PCDHA4: variants seen among roughly 807,000 people sequenced by gnomAD.
The protein encoded by PCDHA4 is protocadherin alpha-4.
Under a neutral mutation model 61.4 loss-of-function variants are expected in PCDHA4, and 49 were observed. That is an observed-to-expected ratio of 0.80 (90% CI 0.63 to 1.01). PCDHA4 has a LOEUF of 1.01. Ranked by LOEUF, PCDHA4 falls within the 50% of genes least tolerant of loss-of-function variation. PCDHA4 has a pLI of 0.00. For missense variants in PCDHA4, 1,254 were observed against 1,235.8 expected (o/e 1.01, Z -0.22); for synonymous variants, 590 against 550.3 (o/e 1.07, Z -1.01).
At chr5:140,843,133 C>G in intron 1 of PCDHA4, 1 of 1,595,974 alleles carries the variant, frequency 6.3e-7, no homozygotes, top group Non-Finnish European at 8.6e-7. Flanking sequence ...CGGGCTACAA[C>G]GCGTGGCTTT....
intron 1 of PCDHA4, chr5:140,831,275 T>C (rs2150193117): frequency 5.3e-5 from 8 of 152,198 alleles, no homozygotes; most frequent in Admixed American, 1.3e-4. Flanking sequence ...CACTTGATGG[T>C]CTTCTCTTCA....
rs1465056587 is a variant in PCDHA4, at chr5:140,851,176, T to G, written c.2385+41604T>G. The G allele has an allele frequency of 9.5e-6, 12 of 1,259,426 alleles. 2 individuals carry two copies. Among genetic ancestry groups the G allele is most frequent in the Non-Finnish European group, 1.2e-5 (12 of 979,742 alleles). The allele number at this position is 1,259,426 out of a possible 1,614,324, so 78.0% of individuals were successfully genotyped here. A position where few individuals can be genotyped will look rare whatever the true frequency, so the allele number is the denominator to read the frequency against. Reference sequence around the variant, plus strand: ...TCTGATGCTATGCTGCCATAACACTTGAAAACCAATTTAGTTGTTAGTCAT... The same window carrying G: ...TCTGATGCTATGCTGCCATAACACTGGAAAACCAATTTAGTTGTTAGTCAT... On this transcript the variant is annotated intron_variant, in intron 1 of 3. Coordinates refer to ENST00000530339, the MANE Select transcript of PCDHA4 (RefSeq NM_018907.4).
intron 1 of PCDHA4, chr5:140,871,086 G>A (rs556097993): frequency 6.6e-5 from 106 of 1,613,256 alleles, no homozygotes; most frequent in Middle Eastern, 1.6e-4. Flanking sequence ...TGACGGCCAC[G>A]GCCACCGTGC....
chr5:140,873,436 A>G (rs1159512158), intron 1 of PCDHA4, among the ~76,000 whole-genome samples: 1 of 152,214 alleles, frequency 6.6e-6, no homozygotes, highest in Non-Finnish European at 1.5e-5. Flanking sequence ...TTTATATCAC[A>G]TAAATAACAA....
At chr5:140,950,555 C>T (rs1421946616) in intron 1 of PCDHA4, among the ~76,000 whole-genome samples, 1 of 151,964 alleles carries the variant, frequency 6.6e-6, no homozygotes, top group Non-Finnish European at 1.5e-5. Flanking sequence ...GCTGGGGGGA[C>T]ACTTATTTTA....
chr5:140,924,064 G>A (rs1584331926), intron 1 of PCDHA4, among the ~76,000 whole-genome samples: 1 of 152,172 alleles, frequency 6.6e-6, no homozygotes. Context: ...CTTTACAGTT[G>A]TATTTCATCT....
intron 1 of PCDHA4, among the ~76,000 whole-genome samples, chr5:140,899,276 A>G (rs1402457704): frequency 2.8e-4 from 42 of 152,318 alleles, no homozygotes; most frequent in African/African-American, 9.4e-4. Flanking sequence ...GGCAGTTTTC[A>G]AAGGGAATAC....
intron 1 of PCDHA4, chr5:140,927,356 G>C: frequency 6.2e-7 from 1 of 1,614,076 alleles, no homozygotes. Context: ...GACGAGGGAA[G>C]CAATGGGATA....
rs185281311 is a variant in PCDHA4 at position 140,896,058 on chromosome 5, G to A, written c.2386-82891G>A. The stretch of plus-strand genomic sequence containing the variant: ...ACTCCTGACCTCAGGTGATCCGCCT[G>A]CCTCGGCCTCCCAACATGCTGGGAT... On this transcript the variant is annotated intron_variant, in intron 1 of 3. Coordinates refer to ENST00000530339, the MANE Select transcript of PCDHA4 (RefSeq NM_018907.4). 4.1e-3 allele frequency among the ~76,000 whole-genome samples: 624 copies of A among 152,238 alleles called. 2 individuals carry two copies. The highest frequency in any genetic ancestry group is 6.8e-3 in the Middle Eastern group (2 of 294).
Position 140,922,401 on chromosome 5 carries a change from A to T in PCDHA4, c.2386-56548A>T, listed in dbSNP as rs1290862669. On this transcript the variant is annotated intron_variant, in intron 1 of 3. Transcript: ENST00000530339. ...AACCAAAGACTCCTTGTTTTGGATT[A>T]AAAAGATCTAGGTACAGAGGCTGAG... 2.6e-5 allele frequency among the ~76,000 whole-genome samples: 4 copies of T among 152,234 alleles called. No individual in the cohort carries two copies. In the East Asian group the frequency reaches 7.7e-4, roughly 29 times the overall value.
intron 1 of PCDHA4, chr5:140,829,791 C>A (rs2150174783): frequency 1.6e-5 from 26 of 1,613,668 alleles, no homozygotes; most frequent in South Asian, 2.2e-5. Context: ...GCGCTGCTGG[C>A]GCCTCGGGTG....
At chr5:140,851,779 T>A in intron 1 of PCDHA4, 1 of 965,446 alleles carries the variant, frequency 1.0e-6, no homozygotes, top group South Asian at 4.8e-5. Flanking sequence ...TGAATTTAGA[T>A]GAGAATTCAC....
intron 3 of PCDHA4, among the ~76,000 whole-genome samples, chr5:141,005,634 G>A (rs782404455): frequency 4.8e-5 from 7 of 146,670 alleles, no homozygotes; most frequent in Middle Eastern, 3.6e-3. Flanking sequence ...CCCGGGAGGC[G>A]GAGCTTGCAG....
chr5:140,883,319 A>C, intron 1 of PCDHA4: 1 of 1,614,126 alleles, frequency 6.2e-7, no homozygotes, highest in Non-Finnish European at 8.5e-7. Context: ...CCCAGAGGTT[A>C]CCATCACTTC....
At chr5:140,884,621 G>C (rs116377419) in intron 1 of PCDHA4, 2 of 1,613,996 alleles carry the variant, frequency 1.2e-6, no homozygotes, top group South Asian at 2.2e-5. Context: ...TTCTGCAGAG[G>C]GAACAGGCCA....
chr5:140,983,444 TC>T (rs1554245415), intron 3 of PCDHA4, among the ~76,000 whole-genome samples: 1 of 152,224 alleles, frequency 6.6e-6, no homozygotes. Context: ...TCTACTCTAA[TC>T]CTCTATTAAT....
At chr5:140,876,164 C>T (rs1554168313) in intron 1 of PCDHA4, 2 of 1,613,950 alleles carry the variant, frequency 1.2e-6, no homozygotes, top group South Asian at 1.1e-5. Flanking sequence ...ATTCAAATAA[C>T]CGTCCTGGAT....
chr5:140,868,908 C>A, intron 1 of PCDHA4: 1 of 882,186 alleles, frequency 1.1e-6, no homozygotes, highest in Non-Finnish European at 1.7e-6. Context: ...TCGCTCTTTA[C>A]TTGGTGGAAA....
At chr5:140,899,479 A>T (rs2067352016) in intron 1 of PCDHA4, among the ~76,000 whole-genome samples, 1 of 152,194 alleles carries the variant, frequency 6.6e-6, no homozygotes, top group Non-Finnish European at 1.5e-5. Flanking sequence ...TTCTGTTTAT[A>T]TGCTGGATTA....
Sources: gnomAD v4.1 joint callset for allele counts (sites outside exome capture counted in the v4.1 genomes callset) on GRCh38, gnomAD v4.1.1 for gene constraint, MANE v1.5 for transcripts, NCBI Gene and HGNC (gene_info 2026-07-23, HGNC 2026-07-21) for gene names.